The following SLC2A14 variants were observed in gnomAD, a reference collection of about 807,000 sequenced individuals.
The protein encoded by SLC2A14 is solute carrier family 2, facilitated glucose transporter member 14.
SLC2A14 carries 13 observed loss-of-function variants against 43.0 expected under a neutral mutation model. The observed-to-expected ratio is 0.30, with a 90% CI of 0.20 to 0.48. The LOEUF is 0.48. Among genes scored for constraint, SLC2A14 ranks in the 20% least tolerant of loss-of-function variants. The pLI is 0.99. For missense variants in SLC2A14, 428 were observed against 620.4 expected, an observed-to-expected ratio of 0.69 and a Z score of 3.29; for synonymous variants, 190 against 233.8, an observed-to-expected ratio of 0.81 and a Z score of 1.71.
intron 1 of SLC2A14, among the ~76,000 whole-genome samples, chr12:7,883,590 CTTT>C (rs1204450230): frequency 2.1e-5 from 2 of 95,200 alleles, no homozygotes; most frequent in Non-Finnish European, 3.9e-5. Flanking sequence ...TTTTTCTTTT[CTTT>C]TTTTTTTTTT....
At chr12:7,874,281 A>C (rs1945370099), upstream of SLC2A14, among the ~76,000 whole-genome samples, 1 of 151,958 alleles carries the variant, frequency 6.6e-6, no homozygotes, top group African/African-American at 2.4e-5. Context: ...CAAGAATTCC[A>C]CTCCTAGGTA....
chr12:7,817,082 T>C (rs1565491604), intron 10 of SLC2A14, among the ~76,000 whole-genome samples: 1 of 152,076 alleles, frequency 6.6e-6, no homozygotes, highest in Non-Finnish European at 1.5e-5. Context: ...TAACTGAAAC[T>C]GCAGATGAGG....
At chr12:7,871,116 C>T (rs1945208370) in intron 1 of SLC2A14, 2 of 1,342,140 alleles carry the variant, frequency 1.5e-6, no homozygotes, top group East Asian at 7.7e-5. Context: ...CCACTTCCCT[C>T]ACCATGTTTG....
intron 2 of SLC2A14, among the ~76,000 whole-genome samples, chr12:7,846,587 A>G (rs1208887245): frequency 6.6e-6 from 1 of 151,818 alleles, no homozygotes; most frequent in East Asian, 1.9e-4. Context: ...TGAAAAAACT[A>G]TAGTATATCA....
At position 7,853,463 on chromosome 12, in the gene SLC2A14, G is replaced by A. The variant is rs968885100; in HGVS notation, c.18+16400C>T. 2.7e-5 allele frequency among the ~76,000 whole-genome samples: 4 copies of A among 149,700 alleles called. No individual in the cohort carries two copies. In the South Asian group the frequency reaches 6.4e-4, roughly 24 times the overall value. ...AAAAAAAAAAAAAAATTAGCCAGGC[G>A]TGGTGGCGCACCTGTAGTCCCAGCT... On this transcript the variant is annotated intron_variant, in intron 2 of 10. Transcript: ENST00000431042.
intron 6 of SLC2A14, among the ~76,000 whole-genome samples, chr12:7,828,189 C>T (rs1027172673): frequency 6.6e-6 from 1 of 152,072 alleles, no homozygotes; most frequent in African/African-American, 2.4e-5. Context: ...TGGTGAAACT[C>T]CATCTCTAAT....
chr12:7,885,338 G>A (rs185237869), intron 1 of SLC2A14, among the ~76,000 whole-genome samples: 17 of 152,180 alleles, frequency 1.1e-4, no homozygotes, highest in Middle Eastern at 3.4e-3. Context: ...GGTGGCAGGC[G>A]CCAGTAGTCC....
rs774734936 is a variant in SLC2A14, at chr12:7,885,233, G to A, written c.132+5763C>T. ...CGCCTGTACAGCATTTCGGGAGGCC[G>A]AGGCGGGCAGATCACGAGGTCAGGC... On this transcript the variant is annotated intron_variant, in intron 1 of 9. Transcript: ENST00000539924. Among the ~76,000 whole-genome samples, 82 of 152,238 alleles carry A rather than the reference G, an allele frequency of 5.4e-4. 1 individual carries two copies. The highest frequency in any genetic ancestry group is 9.4e-4 in the Non-Finnish European group (64 of 68,012).
At position 7,859,800 on chromosome 12, in the gene SLC2A14, A is replaced by G. The variant is rs145341101; in HGVS notation, c.18+10063T>C. Among the ~76,000 whole-genome samples the G allele has an allele frequency of 6.6e-3, 1,005 of 152,320 alleles. 8 individuals carry two copies. The highest frequency in any genetic ancestry group is 0.023 in the African/African-American group (936 of 41,572). On this transcript the variant is annotated intron_variant, in intron 2 of 10. Transcript: ENST00000431042. ...TTTGAAGTAGGCAAAGAGCAGCATC[A>G]TAAGAGTTACAAACGAAATGCTGAA...
chr12:7,828,038 T>C (rs1864646162), intron 6 of SLC2A14, among the ~76,000 whole-genome samples: 1 of 151,736 alleles, frequency 6.6e-6, no homozygotes, highest in South Asian at 2.1e-4. Flanking sequence ...CTTTACTTTC[T>C]TAATAAACTT....
chr12:7,882,265 G>A (rs981812715), intron 1 of SLC2A14, among the ~76,000 whole-genome samples: 1 of 146,574 alleles, frequency 6.8e-6, no homozygotes, highest in South Asian at 2.1e-4. Context: ...CCTTAAGAGA[G>A]CTGTAACACT....
intron 2 of SLC2A14, chr12:7,839,650 A>C (rs1432089625): frequency 6.8e-6 from 2 of 295,250 alleles, no homozygotes; most frequent in Non-Finnish European, 1.4e-5. Context: ...TGTGGTTTAA[A>C]TGTGTGTTCC....
At chr12:7,822,488 A>G (rs959491839) in intron 7 of SLC2A14, among the ~76,000 whole-genome samples, 6 of 151,610 alleles carry the variant, frequency 4.0e-5, no homozygotes, top group Non-Finnish European at 8.8e-5. Context: ...TAACGTGGTG[A>G]AACCGTCTCT....
At chr12:7,839,819 A>C (rs778684707) in intron 2 of SLC2A14, 14 of 451,296 alleles carry the variant, frequency 3.1e-5, no homozygotes, top group Admixed American at 9.5e-5. Flanking sequence ...CATGCCTGTA[A>C]TCTCAGCACT....
intron 7 of SLC2A14, among the ~76,000 whole-genome samples, chr12:7,823,081 C>T (rs1014824223): frequency 6.6e-6 from 1 of 152,068 alleles, no homozygotes; most frequent in East Asian, 1.9e-4. Flanking sequence ...CTAGGCACTG[C>T]GCTAAAATGT....
intron 2 of SLC2A14, among the ~76,000 whole-genome samples, chr12:7,866,140 G>A (rs1006894405): frequency 1.3e-5 from 2 of 149,956 alleles, no homozygotes; most frequent in African/African-American, 2.5e-5. Context: ...CAGGAGAATC[G>A]CTGGAACCCA....
chr12:7,836,834 CA>C (rs967224972), intron 2 of SLC2A14, among the ~76,000 whole-genome samples: 2 of 148,212 alleles, frequency 1.3e-5, no homozygotes, highest in Non-Finnish European at 3.0e-5. Context: ...TTCAATTTTA[CA>C]AAAAAAAGAA....
rs1053828795 is a variant in SLC2A14, at chr12:7,839,586, G to A, written c.19-6772C>T. The A allele has an allele frequency of 5.1e-5, 14 of 275,348 alleles. No homozygotes were observed. The Admixed American group carries it at 5.1e-4, about 10-fold the overall frequency. The allele number at this position is 275,348 out of a possible 1,614,324, so 17.1% of individuals were successfully genotyped here. On this transcript the variant is annotated intron_variant, in intron 2 of 10. Coordinates refer to ENST00000431042, the MANE Select transcript of SLC2A14 (RefSeq NM_001286234.2). ...GCAGAAGCATGACATCAGTTGATTCGTGTTTTTAAAAAAGTATGTGCTGTT... is the reference window on the plus strand; with the variant it reads ...GCAGAAGCATGACATCAGTTGATTCATGTTTTTAAAAAAGTATGTGCTGTT...
At chr12:7,834,528 CTCT>C (rs1474311911) in intron 2 of SLC2A14, among the ~76,000 whole-genome samples, 3 of 59,280 alleles carry the variant, frequency 5.1e-5, no homozygotes, top group African/African-American at 1.7e-4. Flanking sequence ...CCTTCTCTCT[CTCT>C]TTTTTTTTTT....
Sources: gnomAD v4.1 joint callset for allele counts (sites outside exome capture counted in the v4.1 genomes callset) on GRCh38, gnomAD v4.1.1 for gene constraint, MANE v1.5 for transcripts, NCBI Gene and HGNC (gene_info 2026-07-23, HGNC 2026-07-21) for gene names.